The following LINGO2 variants were observed in gnomAD, a reference collection of about 807,000 sequenced individuals.
LINGO2 encodes the protein leucine rich repeat and Ig domain containing 2.
Under a neutral mutation model 30.6 loss-of-function variants are expected in LINGO2, and 14 were observed. That is an observed-to-expected ratio of 0.46 (90% confidence interval 0.30 to 0.72). LINGO2 has a LOEUF of 0.72. Among genes scored for constraint, LINGO2 ranks in the 30% least tolerant of loss-of-function variants. LINGO2 has a pLI of 0.07. For synonymous variants in LINGO2, 317 were observed against 288.5 expected (o/e 1.10, Z -1.00); for missense variants, 729 against 751.7 (o/e 0.97, Z 0.35).
intron 4 of LINGO2, among the ~76,000 whole-genome samples, chr9:28,046,208 G>T (rs1224486721): frequency 1.3e-5 from 2 of 152,174 alleles, no homozygotes; most frequent in African/African-American, 2.4e-5. Flanking sequence ...GTATACGATT[G>T]ATATTGCATT....
intron 1 of LINGO2, among the ~76,000 whole-genome samples, chr9:28,555,537 G>A (rs911442167): frequency 3.9e-5 from 6 of 152,024 alleles, no homozygotes; most frequent in Non-Finnish European, 7.3e-5. Flanking sequence ...TCCAGGACCA[G>A]ATGGATTCAC....
intron 4 of LINGO2, among the ~76,000 whole-genome samples, chr9:28,219,698 A>C (rs1820891550): frequency 2.6e-5 from 4 of 152,178 alleles, no homozygotes; most frequent in African/African-American, 9.6e-5. Context: ...TACCCTTCAT[A>C]GTTAGTTATG....
the LINGO2 span, among the ~76,000 whole-genome samples, chr9:28,807,801 A>G: frequency 6.6e-6 from 1 of 152,182 alleles, no homozygotes; most frequent in African/African-American, 2.4e-5. Flanking sequence ...CATAATTATC[A>G]ATTTACCAAT....
chr9:29,004,837 T>G, the LINGO2 span, among the ~76,000 whole-genome samples: 1 of 151,966 alleles, frequency 6.6e-6, no homozygotes, highest in African/African-American at 2.4e-5. Context: ...TTTCCTTGAA[T>G]TAATTGCAAC....
chr9:28,954,304 A>T, the LINGO2 span, among the ~76,000 whole-genome samples: 2 of 152,310 alleles, frequency 1.3e-5, no homozygotes, highest in Middle Eastern at 6.8e-3. Flanking sequence ...CAATTACAAA[A>T]GTACTTTTTG....
At chr9:28,766,482 G>C in the LINGO2 span, among the ~76,000 whole-genome samples, 1 of 149,770 alleles carries the variant, frequency 6.7e-6, no homozygotes, top group Non-Finnish European at 1.5e-5. Context: ...TTGGGGGAAA[G>C]GTAATTTAGT....
the LINGO2 span, among the ~76,000 whole-genome samples, chr9:28,731,821 G>A: frequency 1.3e-5 from 2 of 152,020 alleles, no homozygotes; most frequent in Admixed American, 1.3e-4. Context: ...CCATAATTTT[G>A]CAAGATGATA....
the LINGO2 span, among the ~76,000 whole-genome samples, chr9:29,110,671 T>G: frequency 0.24 from 35,611 of 149,424 alleles, 4,291 homozygotes; most frequent in East Asian, 0.41. Context: ...GTACAATTAG[T>G]GGTCCCTGGA....
intron 3 of LINGO2, among the ~76,000 whole-genome samples, chr9:28,314,345 T>C (rs188081830): frequency 3.3e-4 from 50 of 152,280 alleles, no homozygotes; most frequent in Admixed American, 9.8e-4. Context: ...GATCAATAAA[T>C]CCACAAATCT....
At chr9:29,164,159 A>G in the LINGO2 span, among the ~76,000 whole-genome samples, 1 of 151,986 alleles carries the variant, frequency 6.6e-6, no homozygotes, top group Admixed American at 6.6e-5. Flanking sequence ...GCTTCCAGCC[A>G]ATATTCAGTC....
intron 1 of LINGO2, among the ~76,000 whole-genome samples, chr9:28,480,916 C>T (rs1386843577): frequency 6.6e-6 from 1 of 152,128 alleles, no homozygotes; most frequent in African/African-American, 2.4e-5. Flanking sequence ...CTTACTGCAA[C>T]AATTTCTCAA....
the LINGO2 span, among the ~76,000 whole-genome samples, chr9:29,202,198 T>G: frequency 6.6e-6 from 1 of 151,742 alleles, no homozygotes; most frequent in East Asian, 1.9e-4. Context: ...ATATATTAAA[T>G]AATACATATA....
chr9:28,479,870 T>TGG (rs1564228036), intron 1 of LINGO2, among the ~76,000 whole-genome samples: 1 of 77,828 alleles, frequency 1.3e-5, no homozygotes, highest in Non-Finnish European at 2.8e-5. Flanking sequence ...TGTGTGTGTG[T>TGG]GTGTGTGTGT....
At chr9:28,496,127 G>A (rs1819616179) in intron 1 of LINGO2, among the ~76,000 whole-genome samples, 1 of 151,966 alleles carries the variant, frequency 6.6e-6, no homozygotes, top group Admixed American at 6.6e-5. Context: ...TGAGAAGAAT[G>A]TATATTCTGT....
chr9:28,009,719 T>A (rs1822460073), intron 5 of LINGO2, among the ~76,000 whole-genome samples: 1 of 152,178 alleles, frequency 6.6e-6, no homozygotes, highest in Admixed American at 6.5e-5. Context: ...GCAACAAGTG[T>A]TGACAATGAT....
At chr9:28,779,452 T>A in the LINGO2 span, among the ~76,000 whole-genome samples, 1 of 152,162 alleles carries the variant, frequency 6.6e-6, no homozygotes, top group African/African-American at 2.4e-5. Flanking sequence ...TGACTTCATA[T>A]ATTGCAAAAC....
At chr9:28,058,249 G>A (rs183768001) in intron 4 of LINGO2, among the ~76,000 whole-genome samples, 2 of 152,030 alleles carry the variant, frequency 1.3e-5, no homozygotes, top group Non-Finnish European at 2.9e-5. Context: ...CACCAGTGGT[G>A]GAGTACAATA....
intron 2 of LINGO2, among the ~76,000 whole-genome samples, chr9:28,383,851 A>G (rs1028229555): frequency 3.9e-5 from 6 of 152,062 alleles, no homozygotes; most frequent in African/African-American, 1.2e-4. Context: ...TCTGTTTTGT[A>G]TATGCACTTT....
At chr9:28,782,221 C>G in the LINGO2 span, among the ~76,000 whole-genome samples, 3 of 152,066 alleles carry the variant, frequency 2.0e-5, no homozygotes, top group Non-Finnish European at 4.4e-5. Context: ...TCAATGGAGT[C>G]CTTAGTTCAA....
Sources: gnomAD v4.1 joint callset for allele counts (sites outside exome capture counted in the v4.1 genomes callset) on GRCh38, gnomAD v4.1.1 for gene constraint, MANE v1.5 for transcripts, NCBI Gene and HGNC (gene_info 2026-07-23, HGNC 2026-07-21) for gene names.